Variants in VAPA observed in about 807,000 individuals in gnomAD.
The protein encoded by VAPA is vesicle-associated membrane protein-associated protein A.
A neutral mutation model predicts 25.6 loss-of-function variants in VAPA; 6 were observed. The observed-to-expected ratio is 0.23, with a 90% CI of 0.13 to 0.46. VAPA has a LOEUF of 0.46. Ranked by LOEUF, VAPA falls within the 20% of genes least tolerant of loss-of-function variation. The probability of loss-of-function intolerance (pLI) is 0.99; values close to 1 mark genes in which losing one functional copy is unlikely to be tolerated. For synonymous variants in VAPA, 112 were observed against 106.2 expected, an observed-to-expected ratio of 1.05 and a Z score of -0.34; for missense variants, 244 against 302.1, an observed-to-expected ratio of 0.81 and a Z score of 1.43.
chr18:9,918,264 T>C (rs2069128649), intron 1 of VAPA, among the ~76,000 whole-genome samples: 2 of 152,204 alleles, frequency 1.3e-5, no homozygotes, highest in Admixed American at 1.3e-4. Flanking sequence ...TCTTTGATTT[T>C]AAAAACAAAT....
intron 4 of VAPA, among the ~76,000 whole-genome samples, chr18:9,944,623 G>T (rs1213906524): frequency 1.3e-5 from 2 of 152,172 alleles, no homozygotes; most frequent in South Asian, 2.1e-4. Flanking sequence ...AGAATTAGAT[G>T]GTATTCATTT....
At chr18:9,941,262 T>G (rs2069364033) in intron 4 of VAPA, among the ~76,000 whole-genome samples, 1 of 152,214 alleles carries the variant, frequency 6.6e-6, no homozygotes, top group African/African-American at 2.4e-5. Context: ...AAATGTTACT[T>G]ACTGAGAAAT....
In VAPA at chr18:9,955,884, C is replaced by T. The variant is rs1164176209; in HGVS notation, c.*1673C>T. On this transcript the variant is annotated 3_prime_UTR_variant, in exon 6 of 6. Transcript: ENST00000400000. ...CTGCCATTGCTGTATGCTTTACTGTCTTTGTAAAAATCCCCCTCTCCCCTT... is the reference window on the plus strand; with the variant it reads ...CTGCCATTGCTGTATGCTTTACTGTTTTTGTAAAAATCCCCCTCTCCCCTT... 1 of 151,602 alleles carries T rather than the reference C, an allele frequency of 6.6e-6. No homozygotes were observed. The highest frequency in any genetic ancestry group is 1.5e-5 in the Non-Finnish European group (1 of 67,714). 9.4% of individuals were successfully genotyped at this position (151,602 alleles called of 1,614,324 possible).
rs1567904950 is a variant in VAPA, at chr18:9,955,169, CTT to C, written c.*960_*961del. 6.6e-6 allele frequency: 1 copy of C among 152,174 alleles called. No homozygotes were observed. Among genetic ancestry groups the C allele is most frequent in the African/African-American group, 2.4e-5 (1 of 41,460 alleles). 9.4% of individuals were successfully genotyped at this position (152,174 alleles called of 1,614,324 possible). On this transcript the variant is annotated 3_prime_UTR_variant, in exon 6 of 6. Coordinates refer to ENST00000400000, the MANE Select transcript of VAPA (RefSeq NM_194434.3). The stretch of plus-strand genomic sequence containing the variant: ...ATGTTCTCAAGGAAGATTTAACTCT[CTT>C]TGGTTTTAAATTACTTTTTAACCAG...
At chr18:9,948,250 C>G (rs1470684393) in intron 4 of VAPA, 2 of 152,060 alleles carry the variant, frequency 1.3e-5, no homozygotes, top group Non-Finnish European at 2.9e-5. Context: ...TAATTCCAAT[C>G]TAGTTATCTT....
In VAPA at chr18:9,945,350, CTTTTTTTTTTTTTT is replaced by C. The variant is rs869048248; in HGVS notation, c.418-5030_418-5017del. On this transcript the variant is annotated intron_variant, in intron 4 of 5. Coordinates refer to ENST00000400000, the MANE Select transcript of VAPA (RefSeq NM_194434.3). Reference sequence around the variant, plus strand: ...TTCTTTGAGATTTGGGGAATATACTCTTTTTTTTTTTTTTTTTTTTTTTTTTTTGAGATGGAGTC... The same window carrying C: ...TTCTTTGAGATTTGGGGAATATACTCTTTTTTTTTTTTTTGAGATGGAGTC... Among the ~76,000 whole-genome samples the C allele has an allele frequency of 4.3e-3, 246 of 57,312 alleles. 2 individuals carry two copies. Among genetic ancestry groups the C allele is most frequent in the Admixed American group, 6.7e-3 (22 of 3,284 alleles). 37.6% of individuals were successfully genotyped at this position (57,312 alleles called of 152,430 possible).
intron 1 of VAPA, among the ~76,000 whole-genome samples, chr18:9,931,023 TAAAAAATAC>T (rs1438260080): frequency 6.6e-6 from 1 of 152,160 alleles, no homozygotes; most frequent in Non-Finnish European, 1.5e-5. Context: ...CTAGCTTTTT[TAAAAAATAC>T]ATAACTTTAA....
intron 4 of VAPA, among the ~76,000 whole-genome samples, chr18:9,947,364 A>C (rs2069436421): frequency 6.6e-6 from 1 of 152,218 alleles, no homozygotes; most frequent in South Asian, 2.1e-4. Flanking sequence ...TGAATAATGT[A>C]TTGTGATAAG....
intron 4 of VAPA, among the ~76,000 whole-genome samples, chr18:9,943,954 G>A (rs756736561): frequency 2.2e-5 from 3 of 137,134 alleles, no homozygotes; most frequent in Non-Finnish European, 4.6e-5. Flanking sequence ...GCCGCCTCCC[G>A]GGTTCACGCC....
intron 1 of VAPA, among the ~76,000 whole-genome samples, chr18:9,924,409 T>G (rs1567892671): frequency 6.6e-6 from 1 of 152,212 alleles, no homozygotes; most frequent in East Asian, 1.9e-4. Context: ...GTGTACATCT[T>G]ATTGTTCTTT....
In VAPA at chr18:9,946,386, C is replaced by T. The variant is rs541130740; in HGVS notation, c.418-4009C>T. Among the ~76,000 whole-genome samples the T allele has an allele frequency of 1.4e-4, 22 of 152,174 alleles. No homozygotes were observed. In the South Asian group the frequency reaches 2.9e-3, roughly 20 times the overall value. Reference sequence around the variant, plus strand: ...CTGAGCTTATTCAACCTGCAGCCTGCGGCCCACACGTGGCCCATGATGGCT... The same window carrying T: ...CTGAGCTTATTCAACCTGCAGCCTGTGGCCCACACGTGGCCCATGATGGCT... On this transcript the variant is annotated intron_variant, in intron 4 of 5. Coordinates refer to ENST00000400000, the MANE Select transcript of VAPA (RefSeq NM_194434.3).
At chr18:9,938,412 T>TA (rs532682706) in intron 4 of VAPA, among the ~76,000 whole-genome samples, 295 of 152,324 alleles carry the variant, frequency 1.9e-3, no homozygotes, top group African/African-American at 7.0e-3. Context: ...ATGGGAATGA[T>TA]ACGGCAATGA....
At chr18:9,914,388 T>C in intron 1 of VAPA, 53 bp downstream of exon 1, 1 of 1,490,524 alleles carries the variant, frequency 6.7e-7, no homozygotes, top group Non-Finnish European at 9.0e-7. Flanking sequence ...GACCGCTGGC[T>C]GTCGGCGGGG....
At chr18:9,933,569 G>T (rs567208036) in intron 2 of VAPA, among the ~76,000 whole-genome samples, 1 of 152,160 alleles carries the variant, frequency 6.6e-6, no homozygotes, top group East Asian at 1.9e-4. Context: ...ACAGTGTCTT[G>T]CTTTGTTGCC....
At chr18:9,937,781 G>A (rs2069326701) in intron 4 of VAPA, among the ~76,000 whole-genome samples, 2 of 151,914 alleles carry the variant, frequency 1.3e-5, no homozygotes, top group African/African-American at 4.8e-5. Flanking sequence ...CAATAATATG[G>A]ATAAATAGAA....
At position 9,943,841 on chromosome 18, in the gene VAPA, C is replaced by CTTTTTTT. The variant is rs71169911; in HGVS notation, c.418-6523_418-6517dup. 2.0e-3 allele frequency among the ~76,000 whole-genome samples: 101 copies of CTTTTTTT among 51,768 alleles called. 29 individuals are homozygous for CTTTTTTT. Among genetic ancestry groups the CTTTTTTT allele is most frequent in the Middle Eastern group, 0.031 (2 of 64 alleles). The allele number at this position is 51,768 out of a possible 152,430, so 34.0% of individuals were successfully genotyped here. ...TGACATTTGAAGGTGACATATTTCC[C>CTTTTTTT]TTTTTTTTTTTTTTTTTTTTTTTTT... On this transcript the variant is annotated intron_variant, in intron 4 of 5. Transcript: ENST00000400000.
At chr18:9,918,926 T>G (rs1001189927) in intron 1 of VAPA, among the ~76,000 whole-genome samples, 2 of 152,218 alleles carry the variant, frequency 1.3e-5, no homozygotes, top group African/African-American at 4.8e-5. Flanking sequence ...AGATGGGGTC[T>G]TGCTCAGTTG....
At chr18:9,930,909 A>G (rs1425564181) in intron 1 of VAPA, among the ~76,000 whole-genome samples, 1 of 152,154 alleles carries the variant, frequency 6.6e-6, no homozygotes, top group Non-Finnish European at 1.5e-5. Context: ...GCTTGAAATA[A>G]GTGTCTTTTA....
In VAPA at chr18:9,940,402, C is replaced by T. The variant is rs79952476; in HGVS notation, c.417+3336C>T. On this transcript the variant is annotated intron_variant, in intron 4 of 5. Transcript: ENST00000400000. ...GGAGATGGTATTTCACAACTATAATCGACCGGGTACCTGTGACAAAATTGA... is the reference window on the plus strand; with the variant it reads ...GGAGATGGTATTTCACAACTATAATTGACCGGGTACCTGTGACAAAATTGA... 5.8e-4 allele frequency among the ~76,000 whole-genome samples: 88 copies of T among 152,164 alleles called. No individual in the cohort carries two copies. In the East Asian group the frequency reaches 0.014, roughly 24 times the overall value.
Sources: allele counts gnomAD v4.1 joint callset (sites outside exome capture counted in the v4.1 genomes callset), GRCh38; gene constraint gnomAD v4.1.1; transcripts MANE v1.5; gene names NCBI Gene and HGNC (gene_info 2026-07-23, HGNC 2026-07-21).